DCDC1: variants seen among roughly 807,000 people sequenced by gnomAD.
DCDC1 encodes doublecortin domain containing 1.
Under a neutral mutation model 178.3 loss-of-function variants are expected in DCDC1, and 200 were observed. That is an observed-to-expected ratio of 1.12 (90% CI 1.00 to 1.26). The LOEUF (loss-of-function observed/expected upper bound fraction) is 1.26. Among genes scored for constraint, DCDC1 ranks in the 50% most tolerant of loss-of-function variants. The pLI is 0.00. For synonymous variants in DCDC1, 690 were observed against 604.8 expected, an observed-to-expected ratio of 1.14 and a Z score of -2.07; for missense variants, 1,983 against 1,749.2, an observed-to-expected ratio of 1.13 and a Z score of -2.38.
chr11:30,965,071 C>T (rs925907652), intron 20 of DCDC1, among the ~76,000 whole-genome samples: 2 of 152,138 alleles, frequency 1.3e-5, no homozygotes, highest in Admixed American at 1.3e-4. Flanking sequence ...CCCTTGGACA[C>T]CAGTGGAGTG....
intron 10 of DCDC1, among the ~76,000 whole-genome samples, chr11:31,127,922 T>C (rs2135938019): frequency 6.6e-6 from 1 of 152,258 alleles, no homozygotes; most frequent in African/African-American, 2.4e-5. Flanking sequence ...AACATATACA[T>C]TTGACAAGTT....
chr11:30,986,030 G>A (rs535062852), intron 20 of DCDC1, among the ~76,000 whole-genome samples: 2 of 152,174 alleles, frequency 1.3e-5, no homozygotes, highest in African/African-American at 2.4e-5. Context: ...ACATGATAGA[G>A]GTATGTTTTT....
intron 9 of DCDC1, among the ~76,000 whole-genome samples, chr11:31,168,862 AT>A (rs1359609752): frequency 6.6e-6 from 1 of 152,186 alleles, no homozygotes; most frequent in Non-Finnish European, 1.5e-5. Flanking sequence ...TATGCAATTT[AT>A]TATTTTATTT....
rs187112448 is a variant in DCDC1 at position 31,219,929 on chromosome 11, G to T, written c.1221+21521C>A. ...TTAACTTGCCTAAGACCTCAGAGCTGGTTAAACACGAAAGCCTGGACTTGA... is the reference window on the plus strand; with the variant it reads ...TTAACTTGCCTAAGACCTCAGAGCTTGTTAAACACGAAAGCCTGGACTTGA... On this transcript the variant is annotated intron_variant, in intron 9 of 38. Transcript: ENST00000684477. Among the ~76,000 whole-genome samples, 322 of 152,212 alleles carry T rather than the reference G, an allele frequency of 2.1e-3. 1 individual carries two copies. Among genetic ancestry groups the T allele is most frequent in the Non-Finnish European group, 3.7e-3 (253 of 68,012 alleles).
At position 31,348,949 on chromosome 11, in the gene DCDC1, C is replaced by T. The variant is rs1050812578; in HGVS notation, c.-124-13385G>A. Reference sequence around the variant, plus strand: ...AAAATATAGTTTACTGTGGAATAGTCTACTCTTCTACAATGCAATAGTTAT... The same window carrying T: ...AAAATATAGTTTACTGTGGAATAGTTTACTCTTCTACAATGCAATAGTTAT... On this transcript the variant is annotated intron_variant, in intron 1 of 38. Transcript: ENST00000684477. 1.7e-4 allele frequency among the ~76,000 whole-genome samples: 26 copies of T among 152,186 alleles called. 1 individual carries two copies. The East Asian group carries it at 4.3e-3, about 25-fold the overall frequency.
chr11:31,162,468 T>G (rs1317314531), intron 9 of DCDC1, among the ~76,000 whole-genome samples: 1 of 152,158 alleles, frequency 6.6e-6, no homozygotes, highest in Non-Finnish European at 1.5e-5. Flanking sequence ...TTTGAATAAT[T>G]AACATTTCAT....
chr11:31,179,873 A>T (rs1481043955), intron 9 of DCDC1, among the ~76,000 whole-genome samples: 2 of 152,238 alleles, frequency 1.3e-5, no homozygotes, highest in Non-Finnish European at 2.9e-5. Context: ...AAAAACATAG[A>T]TGCAAAAATT....
chr11:30,943,389 C>T lies in DCDC1; in HGVS notation c.2715+9056G>A, dbSNP rs544931682. 74 of 199,828 alleles carry T rather than the reference C, an allele frequency of 3.7e-4. No homozygotes were observed. The South Asian group carries it at 5.8e-3, about 16-fold the overall frequency. 12.4% of individuals were successfully genotyped at this position (199,828 alleles called of 1,614,324 possible). ...TCCCCCCTCTTTATTCTGGTAGCTA[C>T]TTATTATCATCTCTCAATAGAGTAA... On this transcript the variant is annotated intron_variant, in intron 21 of 38. Coordinates refer to ENST00000684477, the MANE Select transcript of DCDC1 (RefSeq NM_001387274.1).
intron 8 of DCDC1, among the ~76,000 whole-genome samples, chr11:31,253,040 T>A (rs1342652027): frequency 6.6e-6 from 1 of 152,198 alleles, no homozygotes; most frequent in African/African-American, 2.4e-5. Flanking sequence ...ACATTGAGTA[T>A]CAAATATGAG....
intron 15 of DCDC1, among the ~76,000 whole-genome samples, chr11:31,101,430 C>G (rs1378837579): frequency 6.6e-6 from 1 of 151,920 alleles, no homozygotes; most frequent in African/African-American, 2.4e-5. Context: ...TATGGACCTT[C>G]AGGATTGGGT....
chr11:30,930,806 A>C (rs1946876574), intron 22 of DCDC1, among the ~76,000 whole-genome samples: 1 of 152,162 alleles, frequency 6.6e-6, no homozygotes, highest in Non-Finnish European at 1.5e-5. Flanking sequence ...CACTACTTTA[A>C]GGACATTACC....
chr11:31,258,353 A>G (rs1944551827), intron 8 of DCDC1, among the ~76,000 whole-genome samples: 1 of 152,170 alleles, frequency 6.6e-6, no homozygotes, highest in South Asian at 2.1e-4. Context: ...CTCTCTCACT[A>G]TGAGAGACTC....
rs1198646325 is a variant in DCDC1 at position 30,954,035 on chromosome 11, A to G, written c.2592-1467T>C. ...TTTTTTTTTTTTTTTTTTTTGAGAC[A>G]GAGTCTCGCTCTGTCGCCCAGGCTG... On this transcript the variant is annotated intron_variant, in intron 20 of 38. Coordinates refer to ENST00000684477, the MANE Select transcript of DCDC1 (RefSeq NM_001387274.1). Among the ~76,000 whole-genome samples, 8 of 127,476 alleles carry G rather than the reference A, an allele frequency of 6.3e-5. No individual in the cohort carries two copies. The East Asian group carries it at 1.3e-3, about 21-fold the overall frequency. The allele number at this position is 127,476 out of a possible 152,430, so 83.6% of individuals were successfully genotyped here. A position where few individuals can be genotyped will look rare whatever the true frequency, so the allele number is the denominator to read the frequency against.
intron 33 of DCDC1, among the ~76,000 whole-genome samples, 152 bp downstream of exon 33, chr11:30,900,194 T>C (rs1944555678): frequency 6.6e-6 from 1 of 152,116 alleles, no homozygotes; most frequent in Non-Finnish European, 1.5e-5. Context: ...CCTGTGCACA[T>C]ATTAGTTGAT....
chr11:31,123,546 TA>T lies in DCDC1; in HGVS notation c.1485+3922del, dbSNP rs1047880416. Among the ~76,000 whole-genome samples, 1,313 of 143,826 alleles carry T rather than the reference TA, an allele frequency of 9.1e-3. 22 individuals carry two copies. Among genetic ancestry groups the T allele is most frequent in the African/African-American group, 0.031 (1,211 of 39,638 alleles). The allele number at this position is 143,826 out of a possible 152,430, so 94.4% of individuals were successfully genotyped here. On this transcript the variant is annotated intron_variant, in intron 11 of 38. Coordinates refer to ENST00000684477, the MANE Select transcript of DCDC1 (RefSeq NM_001387274.1). Reference sequence around the variant, plus strand: ...TCTGTGGATGGAAACATTGGTATCTTAAAAAAAAAAAACCTCCAGAATATTC... The same window carrying T: ...TCTGTGGATGGAAACATTGGTATCTTAAAAAAAAAAACCTCCAGAATATTC...
chr11:31,065,164 G>C lies in DCDC1; in HGVS notation c.2299-11C>G, dbSNP rs1181335979. Reference sequence around the variant, plus strand: ...AAACTGAGGATAAGCCTGTAAGAAAGGAAAAAATAACAAGTAGTATCACCC... The same window carrying C: ...AAACTGAGGATAAGCCTGTAAGAAACGAAAAAATAACAAGTAGTATCACCC... On this transcript the variant is annotated splice_polypyrimidine_tract_variant and intron_variant, in intron 18 of 38. Transcript: ENST00000684477. 4.1e-6 allele frequency: 3 copies of C among 728,626 alleles called. No homozygotes were observed. The highest frequency in any genetic ancestry group is 7.4e-6 in the Non-Finnish European group (3 of 404,770). 45.1% of individuals were successfully genotyped at this position (728,626 alleles called of 1,614,324 possible). A position where few individuals can be genotyped will look rare whatever the true frequency, so the allele number is the denominator to read the frequency against.
intron 9 of DCDC1, among the ~76,000 whole-genome samples, chr11:31,177,562 A>T (rs763977739): frequency 6.6e-6 from 1 of 152,180 alleles, no homozygotes. Context: ...AAATTCTCTG[A>T]CTAAAACATA....
chr11:31,298,484 A>G (rs1253971024), intron 6 of DCDC1, among the ~76,000 whole-genome samples: 4 of 152,168 alleles, frequency 2.6e-5, no homozygotes, highest in Non-Finnish European at 5.9e-5. Flanking sequence ...AACAGTTCCC[A>G]AAAGGGTCGT....
intron 20 of DCDC1, among the ~76,000 whole-genome samples, chr11:31,033,891 T>C (rs1057137334): frequency 7.3e-6 from 1 of 137,498 alleles, no homozygotes; most frequent in Admixed American, 7.3e-5. Context: ...CTGTAATCAA[T>C]CCCAGCACTG....
Sources: allele counts gnomAD v4.1 joint callset (sites outside exome capture counted in the v4.1 genomes callset), GRCh38; gene constraint gnomAD v4.1.1; transcripts MANE v1.5; gene names NCBI Gene and HGNC (gene_info 2026-07-23, HGNC 2026-07-21).